The following DLG2 variants were observed in gnomAD, a reference collection of about 807,000 sequenced individuals.
DLG2 encodes the protein disks large homolog 2.
In DLG2, 45 loss-of-function variants were observed where a neutral mutation model predicts 132.5. The ratio of observed to expected loss-of-function variants is 0.34; its 90% CI spans 0.27 to 0.44. The LOEUF is 0.44. Among genes scored for constraint, DLG2 ranks in the 20% least tolerant of loss-of-function variants. The probability of loss-of-function intolerance (pLI) is 1.00; values close to 1 mark genes in which losing one functional copy is unlikely to be tolerated. For missense variants in DLG2, 1,045 were observed against 1,196.9 expected (o/e 0.87, Z 1.87); for synonymous variants, 424 against 419.6 (o/e 1.01, Z -0.13).
intron 6 of DLG2, among the ~76,000 whole-genome samples, chr11:84,808,798 T>A (rs1566020733): frequency 6.6e-6 from 1 of 152,098 alleles, no homozygotes; most frequent in East Asian, 1.9e-4. Flanking sequence ...TTAAAAGACT[T>A]GACTTTATTA....
At chr11:85,325,792 GAGA>G (rs1476455233) in intron 3 of DLG2, among the ~76,000 whole-genome samples, 1 of 25,060 alleles carries the variant, frequency 4.0e-5, no homozygotes, top group African/African-American at 1.1e-4. Context: ...GACGAGCTGA[GAGA>G]AGAAGGCTTC....
intron 6 of DLG2, among the ~76,000 whole-genome samples, chr11:85,054,154 A>T (rs992121318): frequency 6.6e-6 from 1 of 151,920 alleles, no homozygotes; most frequent in African/African-American, 2.4e-5. Context: ...AACCCCAGAT[A>T]CTGGGGAGGC....
At chr11:84,146,214 G>GCAA (rs1280818049) in intron 9 of DLG2, among the ~76,000 whole-genome samples, 1 of 152,120 alleles carries the variant, frequency 6.6e-6, no homozygotes, top group Non-Finnish European at 1.5e-5. Context: ...AAGGTTTATG[G>GCAA]CAACCTGCCA....
chr11:83,862,254 C>A (rs2061571513), intron 16 of DLG2, among the ~76,000 whole-genome samples: 1 of 152,050 alleles, frequency 6.6e-6, no homozygotes, highest in Non-Finnish European at 1.5e-5. Context: ...GCACTACTAT[C>A]CAGCCATAAA....
chr11:85,294,748 A>C (rs117431545), intron 3 of DLG2, among the ~76,000 whole-genome samples: 2 of 152,310 alleles, frequency 1.3e-5, no homozygotes, highest in Non-Finnish European at 2.9e-5. Context: ...GCCAGGAGTC[A>C]CTTCTTCCAT....
intron 3 of DLG2, among the ~76,000 whole-genome samples, chr11:85,397,449 G>A (rs1035536935): frequency 2.6e-5 from 4 of 152,118 alleles, no homozygotes; most frequent in African/African-American, 9.7e-5. Context: ...AAATGTAAAT[G>A]GGCAAAATGC....
chr11:84,686,630 GTTTT>G (rs60618412), intron 6 of DLG2, among the ~76,000 whole-genome samples: 2 of 113,798 alleles, frequency 1.8e-5, no homozygotes, highest in African/African-American at 6.7e-5. Flanking sequence ...TGGCCTTGAG[GTTTT>G]TTTTTTTTTT....
At chr11:84,309,985 A>G (rs755965563) in intron 7 of DLG2, among the ~76,000 whole-genome samples, 1 of 152,158 alleles carries the variant, frequency 6.6e-6, no homozygotes, top group African/African-American at 2.4e-5. Flanking sequence ...CAGCTGCTTC[A>G]GATCTACATA....
At chr11:85,471,522 A>G (rs1490575778) in intron 3 of DLG2, among the ~76,000 whole-genome samples, 1 of 152,226 alleles carries the variant, frequency 6.6e-6, no homozygotes, top group African/African-American at 2.4e-5. Flanking sequence ...AAGGAAAAAT[A>G]GACAAATTTA....
chr11:83,485,562 C>G lies in DLG2; in HGVS notation c.2194-1334G>C, dbSNP rs553240345. ...TATTGAAATGAAGGTGCCAAAGACT[C>G]TGAAGGCAATTTGAAAACAGGTATT... is the stretch of plus-strand genomic sequence containing the variant. On this transcript the variant is annotated intron_variant, in intron 21 of 27. Transcript: ENST00000376104. Among the ~76,000 whole-genome samples the G allele has an allele frequency of 1.2e-3, 186 of 152,094 alleles. 1 individual carries two copies. Among genetic ancestry groups the G allele is most frequent in the Non-Finnish European group, 2.1e-3 (145 of 68,014 alleles).
At chr11:84,497,061 C>G (rs1350415056) in intron 7 of DLG2, among the ~76,000 whole-genome samples, 1 of 152,104 alleles carries the variant, frequency 6.6e-6, no homozygotes, top group African/African-American at 2.4e-5. Flanking sequence ...AACTCTGACT[C>G]CCACTGGCCT....
At chr11:85,541,836 G>T (rs186395634) in intron 3 of DLG2, among the ~76,000 whole-genome samples, 1 of 152,080 alleles carries the variant, frequency 6.6e-6, no homozygotes, top group Admixed American at 6.5e-5. Context: ...TAGGCTTCCT[G>T]TTGAATTGCT....
chr11:84,613,827 G>T (rs1206003375), intron 6 of DLG2, among the ~76,000 whole-genome samples: 1 of 152,114 alleles, frequency 6.6e-6, no homozygotes, highest in Non-Finnish European at 1.5e-5. Flanking sequence ...AGCAGCTAAT[G>T]ATCACACTTA....
At chr11:85,089,636 C>T (rs1354135393) in intron 6 of DLG2, among the ~76,000 whole-genome samples, 1 of 152,076 alleles carries the variant, frequency 6.6e-6, no homozygotes, top group African/African-American at 2.4e-5. Flanking sequence ...TTTCCTTAGA[C>T]TATATACTCA....
At chr11:83,855,356 A>T (rs1344554329) in intron 16 of DLG2, among the ~76,000 whole-genome samples, 1 of 152,206 alleles carries the variant, frequency 6.6e-6, no homozygotes, top group South Asian at 2.1e-4. Context: ...CCACAAAAAA[A>T]CCTGCACCTG....
intron 18 of DLG2, among the ~76,000 whole-genome samples, chr11:83,686,301 G>C (rs1056801974): frequency 2.0e-5 from 3 of 152,056 alleles, no homozygotes; most frequent in Admixed American, 2.0e-4. Flanking sequence ...ATCCTGTATA[G>C]AACAGCATCC....
chr11:85,286,158 AT>A, intron 3 of DLG2: 2 of 441,344 alleles, frequency 4.5e-6, no homozygotes, highest in Admixed American at 5.3e-5. Flanking sequence ...ATACAAAAGC[AT>A]CATACTCTAG....
intron 6 of DLG2, among the ~76,000 whole-genome samples, chr11:85,070,942 T>C (rs1475882786): frequency 6.6e-6 from 1 of 151,872 alleles, no homozygotes; most frequent in African/African-American, 2.4e-5. Flanking sequence ...GAGTACAAAA[T>C]AGCAGTGAAG....
chr11:85,257,881 T>C (rs546108406), intron 4 of DLG2, among the ~76,000 whole-genome samples: 2 of 152,250 alleles, frequency 1.3e-5, no homozygotes, highest in South Asian at 2.1e-4. Context: ...TGAGAAAATA[T>C]AAGGTTTGAG....
Sources: gnomAD v4.1 joint callset for allele counts (sites outside exome capture counted in the v4.1 genomes callset) on GRCh38, gnomAD v4.1.1 for gene constraint, MANE v1.5 for transcripts, NCBI Gene and HGNC (gene_info 2026-07-23, HGNC 2026-07-21) for gene names.